TMEM117: variants seen among roughly 807,000 people sequenced by gnomAD.
The protein encoded by TMEM117 is transmembrane protein 117.
TMEM117 carries 27 observed loss-of-function variants against 52.4 expected under a neutral mutation model. The observed-to-expected ratio is 0.51, with a 90% CI of 0.38 to 0.71. The LOEUF (loss-of-function observed/expected upper bound fraction) is 0.71. Among genes scored for constraint, TMEM117 ranks in the 30% least tolerant of loss-of-function variants. TMEM117 has a pLI of 0.00. For synonymous variants in TMEM117, 215 were observed against 206.3 expected, an observed-to-expected ratio of 1.04 and a Z score of -0.36; for missense variants, 556 against 630.5, an observed-to-expected ratio of 0.88 and a Z score of 1.26.
chr12:44,075,826 T>G (rs1047310438), intron 3 of TMEM117, among the ~76,000 whole-genome samples: 7 of 152,148 alleles, frequency 4.6e-5, no homozygotes, highest in African/African-American at 1.7e-4. Flanking sequence ...AAAAGCAGCC[T>G]TGTTTTGAAA....
chr12:44,387,881 C>A (rs1044331523), intron 7 of TMEM117, 145 bp from the exon 8 acceptor site: 23 of 784,934 alleles, frequency 2.9e-5, no homozygotes, highest in Non-Finnish European at 2.0e-6. Context: ...TTAATGGCAG[C>A]ACAGCACTCT....
At chr12:44,244,871 A>G (rs937166231) in intron 5 of TMEM117, among the ~76,000 whole-genome samples, 2 of 152,022 alleles carry the variant, frequency 1.3e-5, no homozygotes, top group African/African-American at 4.8e-5. Flanking sequence ...ACTTTTGTAT[A>G]TGAGGTGAGA....
At chr12:43,812,773 G>A in the TMEM117 span, among the ~76,000 whole-genome samples, 2 of 151,922 alleles carry the variant, frequency 1.3e-5, no homozygotes, top group South Asian at 4.2e-4. Flanking sequence ...TTGAGGCTGA[G>A]GAGGGAGGAT....
rs568581751 is a variant in TMEM117, at chr12:43,996,517, C to T, written c.410+52175C>T. On this transcript the variant is annotated intron_variant, in intron 3 of 7. Transcript: ENST00000266534. The stretch of plus-strand genomic sequence containing the variant: ...AATTAGCTGGGCGTGGTGGCGGGCG[C>T]CTGTAGTCCCAGCTACTTGGGAGGC... 3.3e-5 allele frequency among the ~76,000 whole-genome samples: 5 copies of T among 152,090 alleles called. No individual in the cohort carries two copies. In the East Asian group the frequency reaches 9.7e-4, roughly 29 times the overall value.
chr12:43,862,882 G>A lies in TMEM117; in HGVS notation c.277+17954G>A, dbSNP rs531441519. 7.2e-5 allele frequency among the ~76,000 whole-genome samples: 11 copies of A among 152,296 alleles called. No homozygotes were observed. In the East Asian group the frequency reaches 7.7e-4, roughly 11 times the overall value. The stretch of plus-strand genomic sequence containing the variant: ...TCTGGGAGGCCAAGACAGGAGAATC[G>A]CTTGAACCTGGGAGGCAGAGGTTGC... On this transcript the variant is annotated intron_variant, in intron 2 of 7. Transcript: ENST00000266534.
At chr12:44,125,174 G>T (rs554338574) in intron 3 of TMEM117, among the ~76,000 whole-genome samples, 2 of 152,098 alleles carry the variant, frequency 1.3e-5, no homozygotes, top group East Asian at 3.9e-4. Context: ...GCGTGATCTT[G>T]GCTCACTGCA....
At chr12:44,051,644 A>G (rs1381049610) in intron 3 of TMEM117, among the ~76,000 whole-genome samples, 6 of 152,214 alleles carry the variant, frequency 3.9e-5, no homozygotes, top group Non-Finnish European at 4.4e-5. Flanking sequence ...TGGAAATCAC[A>G]CCATCTTGAT....
intron 3 of TMEM117, among the ~76,000 whole-genome samples, chr12:44,032,114 C>T (rs1352157849): frequency 1.3e-5 from 2 of 152,170 alleles, no homozygotes; most frequent in African/African-American, 4.8e-5. Context: ...TGGCTGTGCT[C>T]AGCTTTAAAA....
chr12:43,952,003 T>G (rs1386448006), intron 3 of TMEM117, among the ~76,000 whole-genome samples: 1 of 152,150 alleles, frequency 6.6e-6, no homozygotes, highest in Non-Finnish European at 1.5e-5. Flanking sequence ...GAACAGAGTC[T>G]GGAGTGGACC....
Position 44,004,367 on chromosome 12 carries a change from C to T in TMEM117, c.410+60025C>T, listed in dbSNP as rs8181703. Among the ~76,000 whole-genome samples the T allele has an allele frequency of 1.4e-3, 213 of 152,210 alleles. 3 individuals are homozygous for T. In the East Asian group the frequency reaches 0.025, roughly 18 times the overall value. ...CATCCTTGAATTTTTGAGTTAACTTCCTTTCTTTCTAAAAGCTACATGAAT... is the reference window on the plus strand; with the variant it reads ...CATCCTTGAATTTTTGAGTTAACTTTCTTTCTTTCTAAAAGCTACATGAAT... On this transcript the variant is annotated intron_variant, in intron 3 of 7. Coordinates refer to ENST00000266534, the MANE Select transcript of TMEM117 (RefSeq NM_032256.3).
intron 2 of TMEM117, among the ~76,000 whole-genome samples, chr12:43,868,495 T>C (rs1731445): frequency 0.99 from 150,096 of 151,696 alleles, 74,285 homozygotes; most frequent in South Asian, 1. Flanking sequence ...GAGGTTGCAG[T>C]GAGCTGAGAT....
At chr12:44,380,386 G>A (rs1168768960) in intron 7 of TMEM117, among the ~76,000 whole-genome samples, 2 of 152,110 alleles carry the variant, frequency 1.3e-5, no homozygotes, top group East Asian at 3.9e-4. Flanking sequence ...TATCTGCTTT[G>A]TTTGTTCTGC....
intron 3 of TMEM117, among the ~76,000 whole-genome samples, chr12:44,106,014 C>A (rs1007059996): frequency 6.6e-6 from 1 of 152,018 alleles, no homozygotes; most frequent in Non-Finnish European, 1.5e-5. Flanking sequence ...CATACCGAGC[C>A]TCTAGCAATT....
At chr12:43,853,433 A>G (rs1943345390) in intron 2 of TMEM117, among the ~76,000 whole-genome samples, 1 of 151,784 alleles carries the variant, frequency 6.6e-6, no homozygotes, top group South Asian at 2.1e-4. Flanking sequence ...CTGCCACCAT[A>G]CCCAGCTAAT....
At chr12:44,345,329 C>A (rs1418587098) in intron 6 of TMEM117, among the ~76,000 whole-genome samples, 1 of 152,036 alleles carries the variant, frequency 6.6e-6, no homozygotes, top group African/African-American at 2.4e-5. Flanking sequence ...GCATATTCCC[C>A]TCAGTTCCTT....
chr12:43,910,175 CAAGGCTGGTTCAATAT>C (rs1944471420), intron 2 of TMEM117, among the ~76,000 whole-genome samples: 2 of 149,182 alleles, frequency 1.3e-5, no homozygotes, highest in Admixed American at 1.4e-4. Flanking sequence ...CCCTGGGATG[CAAGGCTGGTTCAATAT>C]ATGCAAATCA....
chr12:43,892,903 A>G (rs1371514694), intron 2 of TMEM117, among the ~76,000 whole-genome samples: 2 of 152,260 alleles, frequency 1.3e-5, no homozygotes, highest in African/African-American at 2.4e-5. Context: ...AGATAAGGTC[A>G]TCAGGGAGGC....
chr12:44,183,080 GATTTAGAAA>G (rs1949227841), intron 4 of TMEM117, among the ~76,000 whole-genome samples: 2 of 151,874 alleles, frequency 1.3e-5, no homozygotes, highest in South Asian at 2.1e-4. Flanking sequence ...AATCATTTTG[GATTTAGAAA>G]ATTTAGAAAT....
At chr12:44,143,657 A>G in intron 4 of TMEM117, 33 bp downstream of exon 4, 1 of 1,488,746 alleles carries the variant, frequency 6.7e-7, no homozygotes, top group Non-Finnish European at 9.3e-7. Flanking sequence ...CATTTCAAAC[A>G]TCAAACGGAA....
Sources: allele counts gnomAD v4.1 joint callset (sites outside exome capture counted in the v4.1 genomes callset), GRCh38; gene constraint gnomAD v4.1.1; transcripts MANE v1.5; gene names NCBI Gene and HGNC (gene_info 2026-07-23, HGNC 2026-07-21).